Variants in FYCO1 observed in about 807,000 individuals in gnomAD.
FYCO1 encodes FYVE and coiled-coil domain autophagy adaptor 1.
FYCO1 carries 122 observed loss-of-function variants against 165.1 expected under a neutral mutation model. That is an observed-to-expected ratio of 0.74 (90% confidence interval 0.64 to 0.86). FYCO1 has a LOEUF of 0.86. Among genes scored for constraint, FYCO1 ranks in the 40% least tolerant of loss-of-function variants. The probability of loss-of-function intolerance (pLI) is 0.00; values close to 1 mark genes in which losing one functional copy is unlikely to be tolerated. For missense variants in FYCO1, 1,702 were observed against 1,810.3 expected, an observed-to-expected ratio of 0.94 and a Z score of 1.09; for synonymous variants, 648 against 742.5, an observed-to-expected ratio of 0.87 and a Z score of 2.07.
In FYCO1 at chr3:45,919,377, A is replaced by G. The variant is rs1337732510; in HGVS notation, c.*2388T>C. On this transcript the variant is annotated 3_prime_UTR_variant, in exon 18 of 18. Transcript: ENST00000296137. ...CAAATGTCCACCCAGCACAAAAAAT[A>G]AATTCGCTAATGAAACCACATAGTT... The G allele has an allele frequency of 6.6e-6, 1 of 152,230 alleles. No individual in the cohort carries two copies. The highest frequency in any genetic ancestry group is 6.5e-5 in the Admixed American group (1 of 15,276). 9.4% of individuals were successfully genotyped at this position (152,230 alleles called of 1,614,324 possible).
At chr3:45,994,470 T>A (rs1425366824) in intron 1 of FYCO1, among the ~76,000 whole-genome samples, 1 of 152,162 alleles carries the variant, frequency 6.6e-6, no homozygotes, top group African/African-American at 2.4e-5. Flanking sequence ...GACAATTAGC[T>A]CTTATTTTCA....
At position 45,966,372 on chromosome 3, in the gene FYCO1, G is replaced by A. The variant is rs752559420; in HGVS notation, c.2962C>T (p.Arg988Trp). Reference sequence around the variant, plus strand: ...GCAGCCTCTTGGAGGCTCTGGGCCCGCTGCTCTGCCTGGGCGAGCTGGGCC... The same window carrying A: ...GCAGCCTCTTGGAGGCTCTGGGCCCACTGCTCTGCCTGGGCGAGCTGGGCC... ...LQAQLAQAEQ[R>W]AQSLQEAAHQ... The change falls in exon 8 of 18, where the codon CGG becomes TGG. Residue 988 changes from arginine (R) to tryptophan (W), a missense_variant. By Grantham distance (101) the Arg-to-Trp change is moderately radical. Transcript: ENST00000296137. 28 of 1,614,042 alleles carry A rather than the reference G, an allele frequency of 1.7e-5. No individual in the cohort carries two copies. The highest frequency in any genetic ancestry group is 1.6e-4 in the Middle Eastern group (1 of 6,078).
At chr3:45,940,871 G>C (rs1704187135) in intron 14 of FYCO1, 1 of 152,202 alleles carries the variant, frequency 6.6e-6, no homozygotes, top group African/African-American at 2.4e-5. Flanking sequence ...GGTGCCACAT[G>C]ACTCAGACAC....
chr3:45,967,314 C>T lies in FYCO1; in HGVS notation c.2020G>A (p.Gly674Ser). Reference protein sequence around the residue: ...EAEQASIRHLGDQMEASLLAV... With the variant: ...EAEQASIRHLSDQMEASLLAV... ...AGCAAGCTCGCCTCCATCTGGTCAC[C>T]CAAGTGCCGGATGCTGGCCTGCTCG... Residue 674 changes from glycine (G) to serine (S), a missense_variant, in exon 8 of 18, where the codon GGT becomes AGT. Transcript: ENST00000296137. 4.3e-6 allele frequency: 7 copies of T among 1,613,670 alleles called. No individual in the cohort carries two copies. The highest frequency in any genetic ancestry group is 5.9e-6 in the Non-Finnish European group (7 of 1,179,810).
At position 45,921,257 on chromosome 3, in the gene FYCO1, G is replaced by A. The variant is rs865821746; in HGVS notation, c.*508C>T. The A allele has an allele frequency of 2.9e-5, 6 of 209,350 alleles. No individual in the cohort carries two copies. The highest frequency in any genetic ancestry group is 2.2e-4 in the East Asian group (2 of 8,976). 13.0% of individuals were successfully genotyped at this position (209,350 alleles called of 1,614,324 possible). A position where few individuals can be genotyped will look rare whatever the true frequency, so the allele number is the denominator to read the frequency against. ...CCGGGGGGTCCCCTGGCACCGACTC[G>A]CATGATGGCTGTGTACCTCCTTTTC... On this transcript the variant is annotated 3_prime_UTR_variant, in exon 18 of 18. Transcript: ENST00000296137.
rs1399934375 is a variant in FYCO1, at chr3:45,921,362, G to C, written c.*403C>G. ...ACCCAGCTCAGTCTCCAACATGCAG[G>C]GCCCTGGTGGGGCAGGGCAGAAAAT... On this transcript the variant is annotated 3_prime_UTR_variant, in exon 18 of 18. Coordinates refer to ENST00000296137, the MANE Select transcript of FYCO1 (RefSeq NM_024513.4). 1 of 320,106 alleles carries C rather than the reference G, an allele frequency of 3.1e-6. No homozygotes were observed. Among genetic ancestry groups the C allele is most frequent in the African/African-American group, 2.2e-5 (1 of 46,424 alleles). The allele number at this position is 320,106 out of a possible 1,614,324, so 19.8% of individuals were successfully genotyped here.
At chr3:45,933,314 A>T (rs1703722213) in intron 15 of FYCO1, among the ~76,000 whole-genome samples, 1 of 152,144 alleles carries the variant, frequency 6.6e-6, no homozygotes. Context: ...TGCTCTCATG[A>T]TGTTGTTGCT....
At chr3:45,954,519 C>A (rs780064203) in intron 14 of FYCO1, among the ~76,000 whole-genome samples, 18 of 152,066 alleles carry the variant, frequency 1.2e-4, no homozygotes, top group Non-Finnish European at 2.4e-4. Context: ...GGCCTGGGAG[C>A]AAGGCTTTTA....
rs535110080 is a variant in FYCO1 at position 45,918,575 on chromosome 3, G to A, written c.*3190C>T. On this transcript the variant is annotated 3_prime_UTR_variant, in exon 18 of 18. Transcript: ENST00000296137. ...AGAATTCTCATATGTAGAATCATGC[G>A]CACTTTTAAAACTGAAACTCCTTTA... 7 of 152,094 alleles carry A rather than the reference G, an allele frequency of 4.6e-5. No homozygotes were observed. Among genetic ancestry groups the A allele is most frequent in the Admixed American group, 3.3e-4 (5 of 15,288 alleles). 9.4% of individuals were successfully genotyped at this position (152,094 alleles called of 1,614,324 possible).
rs1705883525 is a variant in FYCO1, at chr3:45,964,528, G to A, written c.3151-74C>T. ...CAACGTACCATAAAGTGGCTGGTGT[G>A]CCATCCACCCCATCTGGCTGGGTCA... On this transcript the variant is annotated intron_variant, in intron 9 of 17. Transcript: ENST00000296137. The surrounding 1 kb of genome is among the most constrained non-coding windows in gnomAD (Gnocchi z 4.1). The A allele has an allele frequency of 3.7e-6, 6 of 1,600,364 alleles. No individual in the cohort carries two copies. Among genetic ancestry groups the A allele is most frequent in the Non-Finnish European group, 5.1e-6 (6 of 1,174,188 alleles).
intron 14 of FYCO1, among the ~76,000 whole-genome samples, chr3:45,943,004 G>A (rs1436961731): frequency 6.6e-6 from 1 of 152,194 alleles, no homozygotes; most frequent in East Asian, 1.9e-4. Flanking sequence ...ATGGTCCTCA[G>A]TGTTCTCATC....
Position 45,979,711 on chromosome 3 carries a change from G to A in FYCO1, c.282C>T (p.Ile94=), listed in dbSNP as rs373815306. The stretch of plus-strand genomic sequence containing the variant: ...GGCTGCTTGCTCAGCTTACCTCTGA[G>A]ATAGACTTGACAAAGCGGATCCCAT... ...ANDGIRFVKS[I]SELRTSLGKG... Residue 94 remains isoleucine (I), a synonymous_variant, in exon 4 of 18, where the codon ATC becomes ATT. Coordinates refer to ENST00000296137, the MANE Select transcript of FYCO1 (RefSeq NM_024513.4). 1.7e-5 allele frequency: 28 copies of A among 1,613,814 alleles called. No homozygotes were observed. The highest frequency in any genetic ancestry group is 2.2e-5 in the Non-Finnish European group (26 of 1,179,858).
At chr3:45,986,564 G>T (rs730983) in intron 1 of FYCO1, among the ~76,000 whole-genome samples, 1 of 152,036 alleles carries the variant, frequency 6.6e-6, no homozygotes, top group Non-Finnish European at 1.5e-5. Context: ...AAGGCCCAAA[G>T]AGGGCTTCTC....
rs140372149 is a variant in FYCO1, at chr3:45,967,447, G to T, written c.1887C>A (p.Val629=). 6.2e-7 allele frequency: 1 copy of T among 1,613,522 alleles called. No individual in the cohort carries two copies. The highest frequency in any genetic ancestry group is 1.3e-5 in the African/African-American group (1 of 75,032). Residue 629 remains valine (V), a synonymous_variant, in exon 8 of 18, where the codon GTC becomes GTA. Coordinates refer to ENST00000296137, the MANE Select transcript of FYCO1 (RefSeq NM_024513.4). ...TGCCCTCCAGGAGCTGGTTACGCCC[G>T]ACCACATTCTGTAGCTCCTTCTCCA... ...RELEKELQNV[V]GRNQLLEGKL...
chr3:45,982,980 G>A (rs368800917), intron 2 of FYCO1, among the ~76,000 whole-genome samples: 3 of 152,262 alleles, frequency 2.0e-5, no homozygotes, highest in African/African-American at 7.2e-5. Context: ...ACCTGATCTG[G>A]GAACTCCTGA....
At position 45,968,628 on chromosome 3, in the gene FYCO1, G is replaced by T. The variant is rs768271085; in HGVS notation, c.706C>A (p.Arg236=). ...ACCTCCAACTGGTCCAGCTCTAGTC[G>T]CATCTCATCAAAGCCCTCCAATGCC... ...NEALEGFDEM[R]LELDQLEVRE... The change falls in exon 8 of 18, where the codon CGA becomes AGA. Residue 236 remains arginine, a synonymous_variant. Coordinates refer to ENST00000296137, the MANE Select transcript of FYCO1 (RefSeq NM_024513.4). The T allele has an allele frequency of 1.9e-6, 3 of 1,613,950 alleles. No homozygotes were observed. Among genetic ancestry groups the T allele is most frequent in the Non-Finnish European group, 2.5e-6 (3 of 1,180,044 alleles).
intron 14 of FYCO1, chr3:45,944,975 C>T (rs1468635489): frequency 1.3e-5 from 2 of 152,174 alleles, no homozygotes; most frequent in East Asian, 1.9e-4. Context: ...TACTGGCTGA[C>T]CTATCACCCT....
At chr3:45,930,496 C>T (rs1395065982) in intron 16 of FYCO1, among the ~76,000 whole-genome samples, 2 of 152,196 alleles carry the variant, frequency 1.3e-5, no homozygotes, top group East Asian at 1.9e-4. Context: ...GTCTGGATCC[C>T]ACCCCTAGAG....
chr3:45,989,891 G>A (rs1431322963), intron 1 of FYCO1, among the ~76,000 whole-genome samples: 1 of 152,134 alleles, frequency 6.6e-6, no homozygotes. Context: ...CTCAAGGGAG[G>A]AGCCACACCT....
Sources: gnomAD v4.1 joint callset for allele counts (sites outside exome capture counted in the v4.1 genomes callset) on GRCh38, gnomAD v4.1.1 for gene constraint, Gnocchi (gnomAD v3.1) non-coding constraint, MANE v1.5 for transcripts, NCBI Gene and HGNC (gene_info 2026-07-23, HGNC 2026-07-21) for gene names.